CSMD3: variants seen among roughly 807,000 people sequenced by gnomAD.
CSMD3 encodes the protein CUB and Sushi multiple domains 3.
Under a neutral mutation model 435.2 loss-of-function variants are expected in CSMD3, and 177 were observed. That is an observed-to-expected ratio of 0.41 (90% CI 0.36 to 0.46). CSMD3 has a LOEUF of 0.46. CSMD3 is among the 20% of genes least tolerant of loss of function. CSMD3 has a pLI of 0.34. For missense variants in CSMD3, 4,265 were observed against 4,504.6 expected (o/e 0.95, Z 1.52); for synonymous variants, 1,656 against 1,520.5 (o/e 1.09, Z -2.07).
intron 6 of CSMD3, among the ~76,000 whole-genome samples, chr8:113,011,544 T>A (rs1004358851): frequency 1.3e-5 from 2 of 151,808 alleles, no homozygotes; most frequent in Admixed American, 6.6e-5. Context: ...AATCTAAGGA[T>A]TAGAATTATT....
At chr8:112,364,379 G>T (rs1586885361) in intron 38 of CSMD3, among the ~76,000 whole-genome samples, 1 of 151,864 alleles carries the variant, frequency 6.6e-6, no homozygotes, top group East Asian at 1.9e-4. Flanking sequence ...CTTCCTCAGG[G>T]ACTACGTCCT....
rs574722778 is a variant in CSMD3, at chr8:112,862,882, C to T, written c.1634-3616G>A. Among the ~76,000 whole-genome samples the T allele has an allele frequency of 5.3e-5, 8 of 152,152 alleles. No homozygotes were observed. The South Asian group carries it at 1.2e-3, about 24-fold the overall frequency. On this transcript the variant is annotated intron_variant, in intron 10 of 70. Coordinates refer to ENST00000297405, the MANE Select transcript of CSMD3 (RefSeq NM_198123.2). ...ATAATATTAAAAAGAGAACAGTTCC[C>T]CAGGCTGTCGCCAAAATAATAGTAT... is the stretch of plus-strand genomic sequence containing the variant.
intron 65 of CSMD3, among the ~76,000 whole-genome samples, chr8:112,243,792 TC>T (rs1248672076): frequency 6.6e-6 from 1 of 152,082 alleles, no homozygotes; most frequent in Admixed American, 6.6e-5. Flanking sequence ...TAACTAGAGA[TC>T]TTGGGATAAA....
At chr8:113,179,843 T>C (rs1294220724) in intron 3 of CSMD3, among the ~76,000 whole-genome samples, 4 of 151,834 alleles carry the variant, frequency 2.6e-5, no homozygotes, top group Non-Finnish European at 2.9e-5. Flanking sequence ...TGATTAATAC[T>C]AATAAACATG....
chr8:112,608,094 T>G (rs556649643), intron 22 of CSMD3, among the ~76,000 whole-genome samples: 1 of 152,246 alleles, frequency 6.6e-6, no homozygotes, highest in African/African-American at 2.4e-5. Flanking sequence ...ACTAATAAAT[T>G]AATTCAGTAA....
intron 9 of CSMD3, among the ~76,000 whole-genome samples, chr8:112,932,094 G>A (rs2083128359): frequency 6.6e-6 from 1 of 152,096 alleles, no homozygotes; most frequent in Non-Finnish European, 1.5e-5. Flanking sequence ...CCCACCACTG[G>A]GTATTCATCC....
intron 30 of CSMD3, among the ~76,000 whole-genome samples, chr8:112,496,887 T>C (rs1821407610): frequency 2.0e-5 from 3 of 152,106 alleles, no homozygotes; most frequent in Admixed American, 6.5e-5. Context: ...CAGTATTTGA[T>C]AGCACAACAG....
chr8:113,111,049 G>T (rs2131595896), intron 4 of CSMD3, among the ~76,000 whole-genome samples: 1 of 152,154 alleles, frequency 6.6e-6, no homozygotes, highest in Admixed American at 6.6e-5. Context: ...CTCCCAAAAA[G>T]TCCAACCTCC....
At position 113,297,379 on chromosome 8, in the gene CSMD3, G is replaced by T. The variant is rs114690085; in HGVS notation, c.401+17192C>A. ...TACTTGGAATTTGATGGAAACTTTG[G>T]AATTTCATGTTAGAAATTGTTCATA... On this transcript the variant is annotated intron_variant, in intron 2 of 70. Coordinates refer to ENST00000297405, the MANE Select transcript of CSMD3 (RefSeq NM_198123.2). Among the ~76,000 whole-genome samples the T allele has an allele frequency of 9.7e-3, 1,475 of 152,036 alleles. 22 individuals are homozygous for T. Among genetic ancestry groups the T allele is most frequent in the African/African-American group, 0.031 (1,298 of 41,510 alleles).
At chr8:113,103,901 C>T (rs983555754) in intron 4 of CSMD3, among the ~76,000 whole-genome samples, 2 of 151,928 alleles carry the variant, frequency 1.3e-5, no homozygotes. Context: ...TTTTTATTTA[C>T]TTTTAATCTC....
chr8:112,686,977 T>C (rs2076027301), intron 14 of CSMD3, among the ~76,000 whole-genome samples: 1 of 152,090 alleles, frequency 6.6e-6, no homozygotes, highest in African/African-American at 2.4e-5. Flanking sequence ...TGTTTGACAT[T>C]TAAAATTGTA....
At chr8:112,379,785 C>T (rs753161283) in intron 38 of CSMD3, among the ~76,000 whole-genome samples, 2 of 152,044 alleles carry the variant, frequency 1.3e-5, no homozygotes, top group Non-Finnish European at 2.9e-5. Flanking sequence ...GATACGGTTA[C>T]CAAAACAGTG....
At chr8:112,309,574 G>A (rs968290278) in intron 50 of CSMD3, among the ~76,000 whole-genome samples, 5 of 151,874 alleles carry the variant, frequency 3.3e-5, no homozygotes, top group African/African-American at 9.7e-5. Flanking sequence ...TTCATTGGTC[G>A]AAGGAAAGCA....
At chr8:112,251,046 A>C (rs1815210997) in intron 63 of CSMD3, among the ~76,000 whole-genome samples, 1 of 151,818 alleles carries the variant, frequency 6.6e-6, no homozygotes, top group African/African-American at 2.4e-5. Context: ...CCCTTCCATG[A>C]GATTTCATGG....
chr8:113,070,195 A>T (rs548437733), intron 5 of CSMD3, among the ~76,000 whole-genome samples: 1 of 152,186 alleles, frequency 6.6e-6, no homozygotes, highest in African/African-American at 2.4e-5. Flanking sequence ...ATGCTTTTTA[A>T]AAATTTATCT....
intron 28 of CSMD3, among the ~76,000 whole-genome samples, chr8:112,509,755 T>A (rs1165215856): frequency 6.6e-6 from 1 of 152,150 alleles, no homozygotes; most frequent in Non-Finnish European, 1.5e-5. Context: ...GTTCTCTTAA[T>A]TTCTACTGGT....
intron 1 of CSMD3, among the ~76,000 whole-genome samples, chr8:113,344,092 T>C (rs1407960681): frequency 6.6e-6 from 1 of 152,168 alleles, no homozygotes; most frequent in Non-Finnish European, 1.5e-5. Flanking sequence ...TATATTAATC[T>C]AGGAGTGTGA....
intron 60 of CSMD3, among the ~76,000 whole-genome samples, chr8:112,264,379 T>G (rs1020773115): frequency 6.6e-6 from 1 of 152,200 alleles, no homozygotes; most frequent in African/African-American, 2.4e-5. Context: ...GTATTTTGTT[T>G]AAATTGTTTT....
intron 10 of CSMD3, among the ~76,000 whole-genome samples, chr8:112,901,470 A>G (rs1301830725): frequency 1.3e-5 from 2 of 151,312 alleles, no homozygotes; most frequent in African/African-American, 4.8e-5. Flanking sequence ...GACAAAGTTG[A>G]CCTACTACTG....
Sources: gnomAD v4.1 joint callset for allele counts (sites outside exome capture counted in the v4.1 genomes callset) on GRCh38, gnomAD v4.1.1 for gene constraint, MANE v1.5 for transcripts, NCBI Gene and HGNC (gene_info 2026-07-23, HGNC 2026-07-21) for gene names.